Variants in GRM5 observed in about 807,000 individuals in gnomAD.
GRM5 encodes the protein metabotropic glutamate receptor 5.
Under a neutral mutation model 83.1 loss-of-function variants are expected in GRM5, and 19 were observed. The ratio of observed to expected loss-of-function variants is 0.23; its 90% CI spans 0.16 to 0.34. The LOEUF is 0.34. Among genes scored for constraint, GRM5 ranks in the 10% least tolerant of loss-of-function variants. GRM5 has a pLI of 1.00. For synonymous variants in GRM5, 675 were observed against 633.6 expected (o/e 1.07, Z -0.98); for missense variants, 1,160 against 1,588.3 (o/e 0.73, Z 4.58).
intron 2 of GRM5, among the ~76,000 whole-genome samples, chr11:89,000,658 G>A (rs1279065845): frequency 6.6e-6 from 1 of 151,954 alleles, no homozygotes; most frequent in Non-Finnish European, 1.5e-5. Context: ...ACTTAAATTT[G>A]ACACCAAATA....
At chr11:88,921,703 A>T (rs1325834597) in intron 2 of GRM5, among the ~76,000 whole-genome samples, 2 of 152,134 alleles carry the variant, frequency 1.3e-5, no homozygotes, top group African/African-American at 4.8e-5. Context: ...GGAACAAGAT[A>T]AGGATGCCTA....
chr11:88,632,820 T>C, intron 4 of GRM5, among the ~76,000 whole-genome samples: 1 of 152,234 alleles, frequency 6.6e-6, no homozygotes, highest in East Asian at 1.9e-4. Context: ...AGAATATTTG[T>C]TCCTCAACAT....
At chr11:88,704,217 C>T (rs971568673) in intron 3 of GRM5, among the ~76,000 whole-genome samples, 1 of 152,054 alleles carries the variant, frequency 6.6e-6, no homozygotes, top group African/African-American at 2.4e-5. Flanking sequence ...AATACCATCA[C>T]ATTGGGGCTT....
rs139505490 is a variant in GRM5 at position 88,605,736 on chromosome 11, G to A, written c.1148-772C>T. ...AAAATCTATAGAGGCCCAAAGGAGTGAGAAATATCCCTTCCAATAGAAGGT... is the reference window on the plus strand; with the variant it reads ...AAAATCTATAGAGGCCCAAAGGAGTAAGAAATATCCCTTCCAATAGAAGGT... On this transcript the variant is annotated intron_variant, in intron 4 of 9. Transcript: ENST00000305447. Among the ~76,000 whole-genome samples, 173 of 152,264 alleles carry A rather than the reference G, an allele frequency of 1.1e-3. 1 individual carries two copies. In the Middle Eastern group the frequency reaches 0.014, roughly 12 times the overall value.
At chr11:88,846,802 A>G (rs567057426) in intron 3 of GRM5, among the ~76,000 whole-genome samples, 2 of 152,350 alleles carry the variant, frequency 1.3e-5, no homozygotes, top group South Asian at 2.1e-4. Flanking sequence ...ACACTAGAAT[A>G]CTGAAAGAAG....
intron 3 of GRM5, among the ~76,000 whole-genome samples, chr11:88,731,566 A>G (rs191344035): frequency 1.6e-4 from 24 of 152,146 alleles, no homozygotes; most frequent in African/African-American, 4.8e-4. Context: ...CATCACTGGA[A>G]TATTTTGGTT....
intron 3 of GRM5, among the ~76,000 whole-genome samples, chr11:88,685,817 G>C (rs759406912): frequency 7.2e-5 from 11 of 152,202 alleles, no homozygotes; most frequent in Admixed American, 6.5e-4. Flanking sequence ...GTCAAGAATT[G>C]GGGTTTGGAA....
At chr11:88,600,615 G>A (rs1034873752) in intron 5 of GRM5, among the ~76,000 whole-genome samples, 1 of 151,946 alleles carries the variant, frequency 6.6e-6, no homozygotes, top group Admixed American at 6.6e-5. Context: ...AAGCATTTAA[G>A]GTAAACTAGA....
At chr11:88,976,873 T>G (rs191926677) in intron 2 of GRM5, among the ~76,000 whole-genome samples, 100 of 151,898 alleles carry the variant, frequency 6.6e-4, no homozygotes, top group African/African-American at 2.2e-3. Flanking sequence ...AAAAAAATAC[T>G]TAGATATGCT....
chr11:88,954,716 A>G (rs1938556507), intron 2 of GRM5, among the ~76,000 whole-genome samples: 1 of 152,210 alleles, frequency 6.6e-6, no homozygotes, highest in Non-Finnish European at 1.5e-5. Flanking sequence ...TGTAGTAGAC[A>G]GCACAGCTCT....
chr11:88,509,105 C>T lies in GRM5; in HGVS notation c.3126G>A (p.Leu1042=). The change falls in exon 10 of 10, where the codon CTG becomes CTA. Residue 1042 remains leucine (L), a synonymous_variant. Transcript: ENST00000305447. The stretch of plus-strand genomic sequence containing the variant: ...TGCTGCGCGCCACAGGCTCCGAGTG[C>T]AGCGACGGCACATCGTCGTCCGTGC... ...ASRTDDDVPS[L]HSEPVARSSS... 1 of 1,547,198 alleles carries T rather than the reference C, an allele frequency of 6.5e-7. No individual in the cohort carries two copies.
chr11:88,962,541 C>G (rs1020085245), intron 2 of GRM5, among the ~76,000 whole-genome samples: 5 of 152,078 alleles, frequency 3.3e-5, no homozygotes, highest in African/African-American at 1.2e-4. Context: ...CTGATTCATT[C>G]ATTTATTAAT....
chr11:88,790,753 C>G (rs1271474269), intron 3 of GRM5, among the ~76,000 whole-genome samples: 3 of 151,956 alleles, frequency 2.0e-5, no homozygotes, highest in African/African-American at 7.3e-5. Context: ...TAGGAAATAT[C>G]ACGATATACT....
At chr11:88,968,799 C>T (rs1939074239) in intron 2 of GRM5, among the ~76,000 whole-genome samples, 1 of 151,990 alleles carries the variant, frequency 6.6e-6, no homozygotes, top group African/African-American at 2.4e-5. Flanking sequence ...GAATTGTATA[C>T]TTAAAAAATA....
chr11:88,664,746 C>G (rs1207523365), intron 3 of GRM5, among the ~76,000 whole-genome samples: 2 of 151,996 alleles, frequency 1.3e-5, no homozygotes, highest in East Asian at 3.9e-4. Flanking sequence ...AGTGCCCAGC[C>G]TCACATAGCA....
At chr11:88,702,207 A>G (rs1240139991) in intron 3 of GRM5, among the ~76,000 whole-genome samples, 3 of 152,118 alleles carry the variant, frequency 2.0e-5, no homozygotes, top group Non-Finnish European at 4.4e-5. Context: ...AGCCTGTGGT[A>G]GATAGATACA....
intron 8 of GRM5, among the ~76,000 whole-genome samples, chr11:88,540,411 G>A (rs1043775433): frequency 2.0e-5 from 3 of 148,490 alleles, no homozygotes; most frequent in Non-Finnish European, 4.5e-5. Context: ...AACAAGATGA[G>A]ATGGGGTGGA....
intron 3 of GRM5, among the ~76,000 whole-genome samples, chr11:88,659,121 C>G (rs2135314822): frequency 6.6e-6 from 1 of 152,210 alleles, no homozygotes; most frequent in South Asian, 2.1e-4. Flanking sequence ...TATAAGGAAT[C>G]TTAATGTAGA....
chr11:88,718,819 T>C (rs549764065), intron 3 of GRM5, among the ~76,000 whole-genome samples: 2 of 152,092 alleles, frequency 1.3e-5, no homozygotes, highest in African/African-American at 4.8e-5. Flanking sequence ...TAACTCATAG[T>C]ATATATTGGC....
Sources: allele counts gnomAD v4.1 joint callset (sites outside exome capture counted in the v4.1 genomes callset), GRCh38; gene constraint gnomAD v4.1.1; transcripts MANE v1.5; gene names NCBI Gene and HGNC (gene_info 2026-07-23, HGNC 2026-07-21).